Variants in POLD1 observed in about 807,000 individuals in gnomAD.
POLD1 encodes DNA polymerase delta 1, catalytic subunit, also known as DNA polymerase delta catalytic subunit.
In POLD1, 79 loss-of-function variants were observed where a neutral mutation model predicts 129.7. The ratio of observed to expected loss-of-function variants is 0.61; its 90% CI spans 0.51 to 0.73. POLD1 has a LOEUF of 0.73. Among genes scored for constraint, POLD1 ranks in the 30% least tolerant of loss-of-function variants. The pLI, the probability that POLD1 is intolerant of heterozygous loss-of-function variation, is 0.00. For missense variants in POLD1, 1,338 were observed against 1,595.8 expected, an observed-to-expected ratio of 0.84 and a Z score of 2.75; for synonymous variants, 714 against 683.3, an observed-to-expected ratio of 1.04 and a Z score of -0.70.
intron 17 of POLD1, among the ~76,000 whole-genome samples, chr19:50,411,797 G>A (rs71355146): frequency 0.1 from 15,146 of 151,146 alleles, 929 homozygotes; most frequent in South Asian, 0.19. Context: ...CCGAGATTGC[G>A]CCAGTGCGCT....
chr19:50,385,105 G>C (rs1187285274), intron 1 of POLD1, among the ~76,000 whole-genome samples: 1 of 152,146 alleles, frequency 6.6e-6, no homozygotes, highest in African/African-American at 2.4e-5. Flanking sequence ...GGGGAGCCGT[G>C]GGAGGGTTTG....
At chr19:50,417,405 C>T (rs1451214573) in intron 26 of POLD1, 136 bp downstream of exon 26, 2 of 636,028 alleles carry the variant, frequency 3.1e-6, no homozygotes, top group African/African-American at 1.8e-5. Flanking sequence ...TGTGAGCTGT[C>T]CTGAGCCTCA....
At chr19:50,385,526 C>CT (rs760846797) in intron 1 of POLD1, among the ~76,000 whole-genome samples, 4,485 of 128,882 alleles carry the variant, frequency 0.035, 155 homozygotes, top group African/African-American at 0.054. Flanking sequence ...ACTGTCTTCT[C>CT]TTTTTTTTTT....
rs564166977 is a variant in POLD1, at chr19:50,408,064, G to A, written c.1775+649G>A. Among the ~76,000 whole-genome samples the A allele has an allele frequency of 7.9e-5, 12 of 151,188 alleles. No homozygotes were observed. In the East Asian group the frequency reaches 2.2e-3, roughly 28 times the overall value. On this transcript the variant is annotated intron_variant, in intron 14 of 26. Transcript: ENST00000440232. Reference sequence around the variant, plus strand: ...AATAAATTAATAGGCCAGGCACGGTGGCTCACCCCTGTAATCAATCCCAGC... The same window carrying A: ...AATAAATTAATAGGCCAGGCACGGTAGCTCACCCCTGTAATCAATCCCAGC...
Position 50,409,026 on chromosome 19 carries a change from G to A in POLD1, c.1893-96G>A. On this transcript the variant is annotated intron_variant, in intron 15 of 26. Coordinates refer to ENST00000440232, the MANE Select transcript of POLD1 (RefSeq NM_002691.4). This position sits in a 1 kb window ranked among gnomAD's most constrained non-coding sequence, Gnocchi z 5.8. ...TAGGGAGTGGAGGGGTGCTTGAGGG[G>A]CCTGCGTGTGCTCATGGCCAAGGCC... 7.6e-7 allele frequency: 1 copy of A among 1,309,448 alleles called. No homozygotes were observed. Among genetic ancestry groups the A allele is most frequent in the Non-Finnish European group, 1.1e-6 (1 of 916,502 alleles). The allele number at this position is 1,309,448 out of a possible 1,614,324, so 81.1% of individuals were successfully genotyped here. A position where few individuals can be genotyped will look rare whatever the true frequency, so the allele number is the denominator to read the frequency against.
In POLD1 at chr19:50,406,479, A is replaced by G. The variant is rs527486070; in HGVS notation, c.1456A>G (p.Lys486Glu). 3.8e-6 allele frequency: 6 copies of G among 1,595,952 alleles called. No individual in the cohort carries two copies. Among genetic ancestry groups the G allele is most frequent in the Non-Finnish European group, 5.1e-6 (6 of 1,170,894 alleles). ...GAGCTTCCACTTCCTGGGCGAGCAG[A>G]AGGAGGACGTGCAGCACAGCATCAT... ...AVSFHFLGEQKEDVQHSIITD... is the reference protein window; with the variant it reads ...AVSFHFLGEQEEDVQHSIITD... Residue 486 changes from lysine to glutamate, a missense_variant, in exon 12 of 27, where the codon AAG (lysine) becomes GAG (glutamate). Coordinates refer to ENST00000440232, the MANE Select transcript of POLD1 (RefSeq NM_002691.4). The surrounding 1 kb of genome is among the most constrained non-coding windows in gnomAD (Gnocchi z 5.5).
intron 1 of POLD1, among the ~76,000 whole-genome samples, chr19:50,393,537 G>A (rs182313433): frequency 6.6e-6 from 1 of 152,148 alleles, no homozygotes; most frequent in Non-Finnish European, 1.5e-5. Context: ...ATGGTGGCAC[G>A]CATCTGTCTT....
intron 17 of POLD1, among the ~76,000 whole-genome samples, chr19:50,412,078 T>C (rs971708759): frequency 1.3e-5 from 2 of 152,180 alleles, no homozygotes; most frequent in African/African-American, 2.4e-5. Context: ...ACCCAGCAGT[T>C]TGAGTTACAG....
intron 22 of POLD1, chr19:50,416,146 T>C (rs2039280556): frequency 1.7e-6 from 1 of 585,418 alleles, no homozygotes; most frequent in Admixed American, 3.0e-5. Context: ...CCATGACCTC[T>C]GACCTCCTGA....
chr19:50,399,512 T>G (rs2038504961), intron 3 of POLD1, 28 bp downstream of exon 3: 2 of 1,509,546 alleles, frequency 1.3e-6, no homozygotes, highest in Non-Finnish European at 1.8e-6. Flanking sequence ...GGGTGAGTGC[T>G]GGGGCCCTGC....
chr19:50,395,735 A>G (rs3219345), intron 1 of POLD1, among the ~76,000 whole-genome samples: 34 of 152,080 alleles, frequency 2.2e-4, no homozygotes, highest in African/African-American at 7.7e-4. Flanking sequence ...AGAATTCCCA[A>G]TACCTTGCAG....
chr19:50,402,959 C>G, intron 8 of POLD1, 94 bp from the exon 9 acceptor site: 1 of 1,469,456 alleles, frequency 6.8e-7, no homozygotes, highest in Non-Finnish European at 9.2e-7. Flanking sequence ...CGGCAGGCAG[C>G]GGGGACAGCC....
intron 10 of POLD1, among the ~76,000 whole-genome samples, chr19:50,405,322 A>G (rs1384544001): frequency 6.6e-6 from 1 of 152,190 alleles, no homozygotes; most frequent in Non-Finnish European, 1.5e-5. Flanking sequence ...TTACATTCTG[A>G]GGTGCCGGGG....
chr19:50,386,798 G>A (rs1326381069), intron 1 of POLD1, among the ~76,000 whole-genome samples: 1 of 152,198 alleles, frequency 6.6e-6, no homozygotes, highest in African/African-American at 2.4e-5. Flanking sequence ...CACACACCCA[G>A]GCAGTCCAGA....
Position 50,406,020 on chromosome 19 carries a change from C to T in POLD1, c.1243-162C>T, listed in dbSNP as rs780340304. ...TTACTCCGGACTCCCTCCCCAGTCT[C>T]CAGCCACCCACACCCAGCCCCAGAC... On this transcript the variant is annotated intron_variant, in intron 10 of 26. Transcript: ENST00000440232. This position sits in a 1 kb window ranked among gnomAD's most constrained non-coding sequence, Gnocchi z 5.5. Among the ~76,000 whole-genome samples the T allele has an allele frequency of 5.3e-5, 8 of 152,124 alleles. No individual in the cohort carries two copies. Among genetic ancestry groups the T allele is most frequent in the Non-Finnish European group, 1.0e-4 (7 of 68,016 alleles).
chr19:50,397,441 G>T (rs1398639377), intron 1 of POLD1, among the ~76,000 whole-genome samples: 1 of 144,778 alleles, frequency 6.9e-6, no homozygotes, highest in Non-Finnish European at 1.5e-5. Context: ...GTCTTGCTCT[G>T]TGGCCCAGGA....
intron 1 of POLD1, among the ~76,000 whole-genome samples, chr19:50,387,063 G>A (rs2037997241): frequency 6.6e-6 from 1 of 150,864 alleles, no homozygotes; most frequent in African/African-American, 2.4e-5. Flanking sequence ...GTGGTGGTGG[G>A]CGCCTGTAAT....
At position 50,394,035 on chromosome 19, in the gene POLD1, A is replaced by T. The variant is rs566749862; in HGVS notation, c.-1-4816A>T. ...AGTGGCCCAAGAAAGATACAAATTG[A>T]TTTCTCCACATAACGCTTTGGAAGA... On this transcript the variant is annotated intron_variant, in intron 1 of 26. Transcript: ENST00000440232. The T allele has an allele frequency of 4.6e-5, 7 of 152,378 alleles. No individual in the cohort carries two copies. The East Asian group carries it at 1.4e-3, about 29-fold the overall frequency. The allele number at this position is 152,378 out of a possible 1,614,324, so 9.4% of individuals were successfully genotyped here.
At position 50,413,828 on chromosome 19, in the gene POLD1, G is replaced by A. The variant is rs147108748; in HGVS notation, c.2337G>A (p.Ala779=). 1.0e-4 allele frequency: 168 copies of A among 1,612,298 alleles called. No individual in the cohort carries two copies. The highest frequency in any genetic ancestry group is 4.4e-4 in the Admixed American group (26 of 59,770). ...CGATGGCCCTGGGGCGGGAGGCCGC[G>A]GACTGGGTGTCAGGTCACTTCCCGT... ...AEAMALGREA[A]DWVSGHFPSP... is the part of the protein sequence containing the mutation. The change falls in exon 19 of 27, where the codon GCG becomes GCA. Residue 779 remains alanine (A), a synonymous_variant. Transcript: ENST00000440232.
Sources: gnomAD v4.1 joint callset for allele counts (sites outside exome capture counted in the v4.1 genomes callset) on GRCh38, gnomAD v4.1.1 for gene constraint, Gnocchi (gnomAD v3.1) non-coding constraint, MANE v1.5 for transcripts, NCBI Gene and HGNC (gene_info 2026-07-23, HGNC 2026-07-21) for gene names.